CHN1: variants seen among roughly 807,000 people sequenced by gnomAD.
CHN1 encodes the protein chimerin 1.
A neutral mutation model predicts 59.5 loss-of-function variants in CHN1; 37 were observed. The observed-to-expected ratio is 0.62, with a 90% confidence interval of 0.48 to 0.82. The LOEUF (loss-of-function observed/expected upper bound fraction) is 0.82, where lower values mean the gene tolerates loss of function less well. Ranked by LOEUF, CHN1 falls within the 40% of genes least tolerant of loss-of-function variation. The pLI is 0.00. For missense variants in CHN1, 469 were observed against 571.0 expected, an observed-to-expected ratio of 0.82 and a Z score of 1.82; for synonymous variants, 206 against 200.4, an observed-to-expected ratio of 1.03 and a Z score of -0.24.
At chr2:174,916,854 CAAATAATACAGTTGGTAA>C (rs1351806208) in intron 4 of CHN1, among the ~76,000 whole-genome samples, 1 of 152,172 alleles carries the variant, frequency 6.6e-6, no homozygotes, top group Non-Finnish European at 1.5e-5. Context: ...TACATAATAT[CAAATAATACAGTTGGTAA>C]AATATAGTTA....
At chr2:174,834,265 C>T (rs1019547462) in intron 7 of CHN1, among the ~76,000 whole-genome samples, 2 of 152,188 alleles carry the variant, frequency 1.3e-5, no homozygotes, top group Non-Finnish European at 2.9e-5. Context: ...TAATATATTA[C>T]CATTTTTGCC....
At position 174,974,953 on chromosome 2, in the gene CHN1, A is replaced by G. The variant is rs999713707; in HGVS notation, c.20-22751T>C. Among the ~76,000 whole-genome samples, 4 of 149,938 alleles carry G rather than the reference A, an allele frequency of 2.7e-5. No individual in the cohort carries two copies. The Admixed American group carries it at 2.7e-4, about 10-fold the overall frequency. On this transcript the variant is annotated intron_variant, in intron 1 of 12. Transcript: ENST00000409900. ...CACACACACAGAACAAATCGACACA[A>G]GCTACACTGACCACTGGAGTTAACT...
At chr2:174,840,429 G>A (rs1686257239) in intron 7 of CHN1, among the ~76,000 whole-genome samples, 2 of 152,158 alleles carry the variant, frequency 1.3e-5, no homozygotes, top group African/African-American at 4.8e-5. Context: ...GCCTCCCAAA[G>A]TGTAGGGATT....
chr2:174,899,409 G>T (rs1181020464), intron 5 of CHN1, among the ~76,000 whole-genome samples: 2 of 152,170 alleles, frequency 1.3e-5, no homozygotes, highest in African/African-American at 4.8e-5. Flanking sequence ...ATTGTGTAAA[G>T]AGGTCAAAGA....
At chr2:174,889,981 T>C (rs956713238) in intron 5 of CHN1, among the ~76,000 whole-genome samples, 1 of 149,816 alleles carries the variant, frequency 6.7e-6, no homozygotes, top group African/African-American at 2.5e-5. Flanking sequence ...AAAAAAACAA[T>C]GAAACAAAAA....
intron 1 of CHN1, among the ~76,000 whole-genome samples, chr2:174,997,527 G>A (rs940971437): frequency 6.6e-6 from 1 of 152,106 alleles, no homozygotes; most frequent in African/African-American, 2.4e-5. Flanking sequence ...TAAAAATCAT[G>A]TTTAATAGTG....
At chr2:174,917,074 TC>T (rs1297380734) in intron 4 of CHN1, among the ~76,000 whole-genome samples, 3 of 152,112 alleles carry the variant, frequency 2.0e-5, no homozygotes, top group African/African-American at 7.2e-5. Flanking sequence ...TTGCCTGTAG[TC>T]CCAGCTACTC....
chr2:174,953,234 T>A (rs1417385622), intron 1 of CHN1, among the ~76,000 whole-genome samples: 1 of 151,908 alleles, frequency 6.6e-6, no homozygotes, highest in African/African-American at 2.4e-5. Flanking sequence ...AAAATGGTCA[T>A]AGACATAAGA....
chr2:174,923,583 G>A (rs1321533431), intron 3 of CHN1, among the ~76,000 whole-genome samples: 2 of 152,164 alleles, frequency 1.3e-5, no homozygotes, highest in African/African-American at 4.8e-5. Flanking sequence ...AAGGTATATG[G>A]CACTGAGGTT....
At chr2:175,004,086 G>A (rs1158770194) in intron 1 of CHN1, among the ~76,000 whole-genome samples, 1 of 150,604 alleles carries the variant, frequency 6.6e-6, no homozygotes, top group African/African-American at 2.5e-5. Context: ...TACTTTGAAC[G>A]TCTAATGTTC....
At chr2:174,838,423 T>C (rs1686169869) in intron 7 of CHN1, among the ~76,000 whole-genome samples, 3 of 152,054 alleles carry the variant, frequency 2.0e-5, no homozygotes, top group African/African-American at 7.2e-5. Flanking sequence ...CTTTGTCCTA[T>C]AGGGAATGTT....
intron 6 of CHN1, chr2:174,847,688 C>T: frequency 7.8e-7 from 1 of 1,282,482 alleles, no homozygotes. Context: ...AATCAAGCAA[C>T]AGTATTTAAG....
intron 4 of CHN1, 92 bp downstream of exon 4, chr2:174,918,442 A>G: frequency 1.1e-6 from 1 of 926,020 alleles, no homozygotes; most frequent in Non-Finnish European, 1.5e-6. Flanking sequence ...AAACTTGAAT[A>G]CTTCATCTTG....
At chr2:174,809,307 A>T (rs1268797169) in intron 10 of CHN1, among the ~76,000 whole-genome samples, 1 of 152,212 alleles carries the variant, frequency 6.6e-6, no homozygotes, top group African/African-American at 2.4e-5. Flanking sequence ...TATTAAAATA[A>T]AATCAATAGC....
chr2:174,976,964 A>G (rs984518096), intron 1 of CHN1, among the ~76,000 whole-genome samples: 2 of 152,236 alleles, frequency 1.3e-5, no homozygotes, highest in African/African-American at 4.8e-5. Context: ...ATGGTCCAGC[A>G]TCTTGCTGCA....
intron 5 of CHN1, among the ~76,000 whole-genome samples, chr2:174,906,581 T>C (rs775844982): frequency 2.6e-5 from 4 of 152,152 alleles, no homozygotes; most frequent in Non-Finnish European, 2.9e-5. Flanking sequence ...AACAGGTGAA[T>C]TGCTATGCTA....
intron 5 of CHN1, among the ~76,000 whole-genome samples, chr2:174,912,736 C>A (rs1281049351): frequency 6.6e-6 from 1 of 152,136 alleles, no homozygotes; most frequent in East Asian, 1.9e-4. Flanking sequence ...CACTTCCTAG[C>A]CATACATCAA....
intron 1 of CHN1, among the ~76,000 whole-genome samples, chr2:174,993,109 TGGA>T (rs1357735072): frequency 6.6e-6 from 1 of 152,110 alleles, no homozygotes; most frequent in Non-Finnish European, 1.5e-5. Flanking sequence ...TGCTAGCTAA[TGGA>T]ATTCCTCAAC....
intron 2 of CHN1, among the ~76,000 whole-genome samples, chr2:174,948,062 T>C (rs1689898676): frequency 6.6e-6 from 1 of 152,230 alleles, no homozygotes; most frequent in Admixed American, 6.5e-5. Flanking sequence ...GAGTATATAC[T>C]TATTAATGAA....
Sources: gnomAD v4.1 joint callset for allele counts (sites outside exome capture counted in the v4.1 genomes callset) on GRCh38, gnomAD v4.1.1 for gene constraint, MANE v1.5 for transcripts, NCBI Gene and HGNC (gene_info 2026-07-23, HGNC 2026-07-21) for gene names.